Variants in DOCK10 observed in about 807,000 individuals in gnomAD.
The protein encoded by DOCK10 is dedicator of cytokinesis protein 10.
In DOCK10, 145 loss-of-function variants were observed where a neutral mutation model predicts 280.1. The observed-to-expected ratio is 0.52, with a 90% CI of 0.45 to 0.59. The LOEUF (loss-of-function observed/expected upper bound fraction) is 0.59, where lower values mean the gene tolerates loss of function less well. DOCK10 is among the 20% of genes least tolerant of loss of function. The probability of loss-of-function intolerance (pLI) is 0.00; values close to 1 mark genes in which losing one functional copy is unlikely to be tolerated. For missense variants in DOCK10, 2,368 were observed against 2,651.7 expected, an observed-to-expected ratio of 0.89 and a Z score of 2.35; for synonymous variants, 915 against 942.2, an observed-to-expected ratio of 0.97 and a Z score of 0.53.
At chr2:224,813,626 G>A (rs952238642) in intron 31 of DOCK10, among the ~76,000 whole-genome samples, 2 of 152,172 alleles carry the variant, frequency 1.3e-5, no homozygotes, top group Admixed American at 6.5e-5. Flanking sequence ...AGGACAACCC[G>A]TAAGGGAGGT....
intron 1 of DOCK10, among the ~76,000 whole-genome samples, chr2:224,981,612 G>T (rs940826548): frequency 1.3e-5 from 2 of 152,130 alleles, no homozygotes; most frequent in Admixed American, 1.3e-4. Context: ...TACAATTAAA[G>T]CACAGACAAA....
intron 11 of DOCK10, 29 bp from the exon 12 acceptor site, chr2:224,865,116 T>G: frequency 6.2e-7 from 1 of 1,601,986 alleles, no homozygotes; most frequent in Non-Finnish European, 8.5e-7. Flanking sequence ...ACAGATGTTT[T>G]TGATATAAAA....
At chr2:224,964,610 T>C (rs1704630093) in intron 1 of DOCK10, among the ~76,000 whole-genome samples, 1 of 152,166 alleles carries the variant, frequency 6.6e-6, no homozygotes, top group Admixed American at 6.5e-5. Flanking sequence ...GCTCAACCCA[T>C]CGGCCCACCT....
rs533279596 is a variant in DOCK10 at position 225,020,708 on chromosome 2, T to A, written c.123+21544A>T. Among the ~76,000 whole-genome samples, 5 of 152,300 alleles carry A rather than the reference T, an allele frequency of 3.3e-5. No individual in the cohort carries two copies. In the East Asian group the frequency reaches 9.6e-4, roughly 29 times the overall value. ...CAACACAAGAAGAATGAAACAACAC[T>A]TGCCACCAGTTAGAACAATCTTCAC... On this transcript the variant is annotated intron_variant, in intron 1 of 55. Coordinates refer to ENST00000258390, the MANE Select transcript of DOCK10 (RefSeq NM_014689.3).
At chr2:224,830,669 A>G in intron 26 of DOCK10, 57 bp from the exon 27 acceptor site, 1 of 1,101,772 alleles carries the variant, frequency 9.1e-7, no homozygotes, top group Non-Finnish European at 1.3e-6. Flanking sequence ...AATAATGATA[A>G]TTTTTTCTTT....
At chr2:224,820,532 T>C (rs898063634) in intron 28 of DOCK10, among the ~76,000 whole-genome samples, 37 of 152,212 alleles carry the variant, frequency 2.4e-4, no homozygotes, top group African/African-American at 8.2e-4. Flanking sequence ...CCACAGCTGG[T>C]GTGGAGTGCT....
intron 7 of DOCK10, among the ~76,000 whole-genome samples, chr2:224,882,917 C>T (rs187923082): frequency 1.3e-5 from 2 of 152,288 alleles, no homozygotes; most frequent in East Asian, 1.9e-4. Flanking sequence ...TATGTAAGAA[C>T]TGGGACCCAC....
intron 3 of DOCK10, among the ~76,000 whole-genome samples, chr2:224,916,256 C>T (rs1701304540): frequency 6.6e-6 from 1 of 152,070 alleles, no homozygotes; most frequent in Non-Finnish European, 1.5e-5. Flanking sequence ...ATTAGCCTGG[C>T]ATGGCCGGAC....
intron 2 of DOCK10, among the ~76,000 whole-genome samples, chr2:224,930,200 T>TAAAAAAAAAAAA (rs749672431): frequency 2.2e-5 from 2 of 92,276 alleles, no homozygotes; most frequent in Admixed American, 1.3e-4. Flanking sequence ...TGACACTCGG[T>TAAAAAAAAAAAA]AAAAAAAAAA....
chr2:224,788,990 C>T, intron 48 of DOCK10, 74 bp downstream of exon 48: 1 of 864,784 alleles, frequency 1.2e-6, no homozygotes. Context: ...TTGTTTCCCC[C>T]TTATTTAGCT....
intron 1 of DOCK10, among the ~76,000 whole-genome samples, chr2:225,016,233 CAAATA>C (rs1252975110): frequency 1.3e-5 from 2 of 152,042 alleles, no homozygotes; most frequent in African/African-American, 4.8e-5. Flanking sequence ...AGAGAAATGA[CAAATA>C]AAACAGTTGG....
chr2:224,805,047 C>T lies in DOCK10; in HGVS notation c.4118+11G>A. ...AGAAAAAAGTGTTAAGTCATCAACT[C>T]TAAAACTTACTCCAAGATGCTGAAG... On this transcript the variant is annotated intron_variant, in intron 37 of 55. Coordinates refer to ENST00000258390, the MANE Select transcript of DOCK10 (RefSeq NM_014689.3). The surrounding 1 kb of genome is among the most constrained non-coding windows in gnomAD (Gnocchi z 4.3). 1 of 1,599,672 alleles carries T rather than the reference C, an allele frequency of 6.3e-7. No homozygotes were observed.
intron 1 of DOCK10, among the ~76,000 whole-genome samples, chr2:224,938,243 C>T (rs1702807218): frequency 6.6e-6 from 1 of 152,168 alleles, no homozygotes; most frequent in South Asian, 2.1e-4. Flanking sequence ...CTCCCTCTTC[C>T]TCAGCCAGCA....
At chr2:224,983,942 G>C (rs546299559) in intron 1 of DOCK10, 30 of 463,928 alleles carry the variant, frequency 6.5e-5, no homozygotes, top group Middle Eastern at 3.3e-4. Flanking sequence ...TTACTGAAGA[G>C]AGGCTACGAC....
chr2:224,942,061 CTCT>C (rs1479912203), intron 1 of DOCK10, among the ~76,000 whole-genome samples: 1 of 152,206 alleles, frequency 6.6e-6, no homozygotes, highest in Non-Finnish European at 1.5e-5. Context: ...CCTGTTGCTA[CTCT>C]TCTTCTCTAG....
At chr2:224,768,067 C>CCA (rs1690175884) in intron 55 of DOCK10, among the ~76,000 whole-genome samples, 1 of 151,988 alleles carries the variant, frequency 6.6e-6, no homozygotes, top group African/African-American at 2.4e-5. Flanking sequence ...GAGTGTGCCA[C>CCA]CACACAGGCT....
chr2:224,810,004 A>G (rs892079898), intron 31 of DOCK10, among the ~76,000 whole-genome samples: 3 of 151,654 alleles, frequency 2.0e-5, no homozygotes, highest in East Asian at 3.9e-4. Flanking sequence ...AAAAAAAAAA[A>G]AAAAGAAATC....
chr2:224,955,244 TA>T (rs1417293313), intron 1 of DOCK10, among the ~76,000 whole-genome samples: 42 of 152,338 alleles, frequency 2.8e-4, no homozygotes, highest in African/African-American at 9.1e-4. Flanking sequence ...GTGGGGAGAC[TA>T]AGGTCTTTCA....
At chr2:225,022,150 CAGT>C (rs1205938614) in intron 1 of DOCK10, among the ~76,000 whole-genome samples, 8 of 152,192 alleles carry the variant, frequency 5.3e-5, no homozygotes, top group Non-Finnish European at 1.2e-4. Flanking sequence ...CACAAACACA[CAGT>C]AGCTTACAAT....
Sources: allele counts gnomAD v4.1 joint callset (sites outside exome capture counted in the v4.1 genomes callset), GRCh38; gene constraint gnomAD v4.1.1; non-coding constraint Gnocchi (gnomAD v3.1); transcripts MANE v1.5; gene names NCBI Gene and HGNC (gene_info 2026-07-23, HGNC 2026-07-21).